The following CACNA2D3 variants were observed in gnomAD, a reference collection of about 807,000 sequenced individuals.
The protein encoded by CACNA2D3 is voltage-dependent calcium channel subunit alpha-2/delta-3.
CACNA2D3 carries 60 observed loss-of-function variants against 160.6 expected under a neutral mutation model. That is an observed-to-expected ratio of 0.37 (90% CI 0.30 to 0.46). The LOEUF (loss-of-function observed/expected upper bound fraction) is 0.46. Among genes scored for constraint, CACNA2D3 ranks in the 20% least tolerant of loss-of-function variants. The probability of loss-of-function intolerance (pLI) is 1.00; values close to 1 mark genes in which losing one functional copy is unlikely to be tolerated. For missense variants in CACNA2D3, 1,205 were observed against 1,365.0 expected (o/e 0.88, Z 1.85); for synonymous variants, 558 against 492.9 (o/e 1.13, Z -1.75).
intron 2 of CACNA2D3, among the ~76,000 whole-genome samples, chr3:54,175,842 A>T (rs1332716497): frequency 6.6e-6 from 1 of 152,054 alleles, no homozygotes; most frequent in Admixed American, 6.5e-5. Flanking sequence ...GATTACAGGG[A>T]GAAGTCAGTG....
chr3:54,300,228 T>A (rs1703442354), intron 2 of CACNA2D3, among the ~76,000 whole-genome samples: 1 of 152,072 alleles, frequency 6.6e-6, no homozygotes, highest in Non-Finnish European at 1.5e-5. Flanking sequence ...TACAGAGGAG[T>A]GTTTTGGGAC....
At position 54,869,693 on chromosome 3, in the gene CACNA2D3, C is replaced by T. The variant is rs146479675; in HGVS notation, c.1627-1846C>T. ...CCAGAACGACTGTCTGACTCTAAGT[C>T]CTCAGGGGGACACTACTATCCCTGC... is the stretch of plus-strand genomic sequence containing the variant. On this transcript the variant is annotated intron_variant, in intron 17 of 37. Transcript: ENST00000474759. 2.9e-3 allele frequency among the ~76,000 whole-genome samples: 434 copies of T among 152,240 alleles called. 4 individuals carry two copies. Among genetic ancestry groups the T allele is most frequent in the African/African-American group, 9.9e-3 (413 of 41,532 alleles).
chr3:54,358,259 A>G (rs1333530582), intron 3 of CACNA2D3, among the ~76,000 whole-genome samples: 1 of 152,222 alleles, frequency 6.6e-6, no homozygotes, highest in African/African-American at 2.4e-5. Context: ...GGGCTTTAGA[A>G]ACAGCCTGTT....
At chr3:54,465,901 A>G (rs1183433109) in intron 4 of CACNA2D3, among the ~76,000 whole-genome samples, 2 of 152,174 alleles carry the variant, frequency 1.3e-5, no homozygotes, top group Admixed American at 6.5e-5. Flanking sequence ...GGAGATCTGG[A>G]AAGATTGACT....
intron 2 of CACNA2D3, among the ~76,000 whole-genome samples, chr3:54,310,791 C>G (rs1328679748): frequency 6.6e-6 from 1 of 152,206 alleles, no homozygotes; most frequent in Non-Finnish European, 1.5e-5. Context: ...GTGTTCAGCA[C>G]TCTGCTGCTG....
intron 11 of CACNA2D3, among the ~76,000 whole-genome samples, chr3:54,696,078 C>T (rs894521412): frequency 6.6e-6 from 1 of 152,134 alleles, no homozygotes; most frequent in African/African-American, 2.4e-5. Context: ...GAGGCATGGC[C>T]AGGGTCGGGG....
At chr3:54,390,793 T>G (rs895368798) in intron 4 of CACNA2D3, among the ~76,000 whole-genome samples, 1 of 152,220 alleles carries the variant, frequency 6.6e-6, no homozygotes, top group Non-Finnish European at 1.5e-5. Context: ...CAGGTCTGTG[T>G]ACTGGCTCTG....
At chr3:54,986,472 C>T (rs1277993185) in intron 30 of CACNA2D3, among the ~76,000 whole-genome samples, 2 of 152,156 alleles carry the variant, frequency 1.3e-5, no homozygotes, top group African/African-American at 4.8e-5. Context: ...AGTACACGCC[C>T]ACAGAGTTTG....
At chr3:54,526,925 A>G (rs577017697) in intron 5 of CACNA2D3, among the ~76,000 whole-genome samples, 35 of 152,326 alleles carry the variant, frequency 2.3e-4, no homozygotes, top group Non-Finnish European at 3.5e-4. Context: ...TGCTGATCTC[A>G]GGTGATCTGC....
intron 31 of CACNA2D3, among the ~76,000 whole-genome samples, chr3:54,994,244 T>A (rs1378547402): frequency 6.6e-6 from 1 of 152,216 alleles, no homozygotes; most frequent in Non-Finnish European, 1.5e-5. Context: ...ACATTACACT[T>A]CAGCGAGTGC....
At chr3:54,768,594 G>C (rs949644336) in intron 13 of CACNA2D3, among the ~76,000 whole-genome samples, 7 of 152,194 alleles carry the variant, frequency 4.6e-5, no homozygotes, top group African/African-American at 1.7e-4. Context: ...TGTAGTTACA[G>C]AGGAAAGTCT....
At chr3:54,598,554 A>G (rs1403278597) in intron 9 of CACNA2D3, among the ~76,000 whole-genome samples, 1 of 152,194 alleles carries the variant, frequency 6.6e-6, no homozygotes, top group Non-Finnish European at 1.5e-5. Context: ...GACAGAGGAT[A>G]TAAAGGATAC....
At chr3:54,202,162 C>T (rs757166051) in intron 2 of CACNA2D3, among the ~76,000 whole-genome samples, 8 of 152,228 alleles carry the variant, frequency 5.3e-5, no homozygotes, top group Admixed American at 2.6e-4. Context: ...CACCCTACAA[C>T]GTGCAGAACG....
At chr3:54,708,150 C>T (rs148507278) in intron 11 of CACNA2D3, among the ~76,000 whole-genome samples, 3 of 152,134 alleles carry the variant, frequency 2.0e-5, no homozygotes, top group Admixed American at 6.6e-5. Context: ...GGCCTCGAGT[C>T]GATCAAAGAA....
chr3:55,034,753 A>T (rs1249889375), intron 35 of CACNA2D3, among the ~76,000 whole-genome samples: 1 of 152,120 alleles, frequency 6.6e-6, no homozygotes, highest in Non-Finnish European at 1.5e-5. Flanking sequence ...ATAATTTCTT[A>T]AAAAACTAAC....
chr3:54,914,980 G>T (rs144390410), intron 27 of CACNA2D3, among the ~76,000 whole-genome samples: 2,201 of 152,290 alleles, frequency 0.014, 54 homozygotes, highest in African/African-American at 0.05. Context: ...CACTTCCTTT[G>T]ATATTTAGGA....
chr3:55,073,671 T>C (rs1704871660), intron 36 of CACNA2D3, 106 bp from the exon 37 acceptor site: 8 of 1,240,454 alleles, frequency 6.4e-6, no homozygotes, highest in Middle Eastern at 1.9e-4. Flanking sequence ...CTTTCCACTG[T>C]TGGAGAGAGA....
chr3:54,530,318 C>T (rs1701787431), intron 5 of CACNA2D3, among the ~76,000 whole-genome samples: 2 of 152,120 alleles, frequency 1.3e-5, no homozygotes, highest in Non-Finnish European at 2.9e-5. Flanking sequence ...GTGGGTGCTC[C>T]ATAGTTGCTG....
intron 35 of CACNA2D3, among the ~76,000 whole-genome samples, chr3:55,032,566 T>C (rs766826481): frequency 1.3e-5 from 2 of 152,194 alleles, no homozygotes; most frequent in African/African-American, 2.4e-5. Context: ...CAAAAAATAC[T>C]GGCTTTGGCG....
Sources: allele counts gnomAD v4.1 joint callset (sites outside exome capture counted in the v4.1 genomes callset), GRCh38; gene constraint gnomAD v4.1.1; transcripts MANE v1.5; gene names NCBI Gene and HGNC (gene_info 2026-07-23, HGNC 2026-07-21).